Variants in RAD52 observed in about 807,000 individuals in gnomAD.
RAD52 encodes DNA repair protein RAD52 homolog.
In RAD52, 47 loss-of-function variants were observed where a neutral mutation model predicts 55.5. That is an observed-to-expected ratio of 0.85 (90% confidence interval 0.67 to 1.08). The LOEUF is 1.08. RAD52 is among the 50% of genes least tolerant of loss of function. RAD52 has a pLI of 0.00. For missense variants in RAD52, 468 were observed against 522.8 expected (o/e 0.90, Z 1.02); for synonymous variants, 184 against 198.9 (o/e 0.92, Z 0.63).
rs531255422 is a variant in RAD52, at chr12:930,271, C to T, written c.187-127G>A. The T allele has an allele frequency of 6.7e-5, 53 of 793,034 alleles. No individual in the cohort carries two copies. The South Asian group carries it at 6.9e-4, about 10-fold the overall frequency. 49.1% of individuals were successfully genotyped at this position (793,034 alleles called of 1,614,324 possible). ...ATAAACTGTCCTTAAACATTCTTCT[C>T]GGGAGGCTGAGGTGGGAGGATCACT... On this transcript the variant is annotated intron_variant, in intron 3 of 11. Coordinates refer to ENST00000358495, the MANE Select transcript of RAD52 (RefSeq NM_134424.4).
intron 1 of RAD52, among the ~76,000 whole-genome samples, chr12:939,903 C>T (rs1433675561): frequency 1.3e-5 from 2 of 151,716 alleles, no homozygotes; most frequent in Non-Finnish European, 2.9e-5. Flanking sequence ...GGTGAAACCC[C>T]GTCTCTACTG....
chr12:921,382 G>A (rs1289002905), intron 7 of RAD52, among the ~76,000 whole-genome samples: 2 of 152,190 alleles, frequency 1.3e-5, no homozygotes, highest in African/African-American at 4.8e-5. Context: ...CAAGGCAGGT[G>A]GATCACTTGA....
intron 2 of RAD52, 69 bp from the exon 3 acceptor site, chr12:931,390 T>C: frequency 8.7e-7 from 1 of 1,155,296 alleles, no homozygotes; most frequent in Non-Finnish European, 1.2e-6. Flanking sequence ...TCTCCATCCT[T>C]TATGGAGACT....
chr12:948,094 TGTG>T (rs1332013246), intron 1 of RAD52, among the ~76,000 whole-genome samples: 1 of 151,666 alleles, frequency 6.6e-6, no homozygotes, highest in Non-Finnish European at 1.5e-5. Context: ...AGAAACAAAA[TGTG>T]GTATATCCAC....
intron 1 of RAD52, among the ~76,000 whole-genome samples, chr12:982,995 G>A (rs926724546): frequency 6.6e-6 from 1 of 152,048 alleles, no homozygotes; most frequent in Non-Finnish European, 1.5e-5. Context: ...GGTTACAGGC[G>A]TGTGCCACCA....
chr12:957,363 T>G (rs1358267088), intron 1 of RAD52, among the ~76,000 whole-genome samples: 2 of 144,820 alleles, frequency 1.4e-5, no homozygotes, highest in African/African-American at 2.6e-5. Context: ...CTCGGGAGGC[T>G]GAGGCAGGAG....
chr12:914,085 G>A lies in RAD52; in HGVS notation c.1004C>T (p.Thr335Ile). The A allele has an allele frequency of 6.2e-7, 1 of 1,614,190 alleles. No homozygotes were observed. The highest frequency in any genetic ancestry group is 8.5e-7 in the Non-Finnish European group (1 of 1,180,026). Residue 335 changes from threonine to isoleucine, a missense_variant, in exon 11 of 12, where the codon ACT (threonine) becomes ATT (isoleucine). Transcript: ENST00000358495. ...GACCACACCATCCCCTGCATCGGGA[G>A]TCACAGCCCACTTTTCAGAGTTGTC... ...LEDNSEKWAV[T>I]PDAGDGVVKP... is the part of the protein sequence containing the mutation.
rs768359979 is a variant in RAD52, at chr12:931,260, G to A, written c.146C>T (p.Pro49Leu). The A allele has an allele frequency of 1.2e-6, 2 of 1,612,664 alleles. No individual in the cohort carries two copies. Among genetic ancestry groups the A allele is most frequent in the South Asian group, 1.1e-5 (1 of 90,974 alleles). Reference sequence around the variant, plus strand: ...AGCCATGCGGCTACTTATGTATTCTGGGCCCAGCCTCTGCCTCAGGGCCTT... The same window carrying A: ...AGCCATGCGGCTACTTATGTATTCTAGGCCCAGCCTCTGCCTCAGGGCCTT... ...IQKALRQRLG[P>L]EYISSRMAGG... is the part of the protein sequence containing the mutation. Residue 49 changes from proline to leucine, a missense_variant, in exon 3 of 12, where the codon CCA becomes CTA. Transcript: ENST00000358495.
chr12:912,775 A>G lies in RAD52; in HGVS notation c.*616T>C, dbSNP rs1956168612. 5.8e-6 allele frequency: 1 copy of G among 171,714 alleles called. No homozygotes were observed. Among genetic ancestry groups the G allele is most frequent in the African/African-American group, 2.4e-5 (1 of 41,678 alleles). 10.6% of individuals were successfully genotyped at this position (171,714 alleles called of 1,614,324 possible). A position where few individuals can be genotyped will look rare whatever the true frequency, so the allele number is the denominator to read the frequency against. On this transcript the variant is annotated 3_prime_UTR_variant, in exon 12 of 12. Coordinates refer to ENST00000358495, the MANE Select transcript of RAD52 (RefSeq NM_134424.4). ...AAACAGCCTTTTTTCGTGGTCTTAG[A>G]TGATTATTTCCTTCCTTAGGAAAAA...
chr12:914,630 C>G, intron 9 of RAD52, 98 bp from the exon 10 acceptor site: 1 of 1,441,376 alleles, frequency 6.9e-7, no homozygotes. Flanking sequence ...AGGGAACACT[C>G]TCCGAAGCAC....
intron 1 of RAD52, among the ~76,000 whole-genome samples, chr12:969,138 A>G (rs908514742): frequency 1.3e-5 from 2 of 152,110 alleles, no homozygotes; most frequent in Non-Finnish European, 2.9e-5. Flanking sequence ...TTTAAAGTAT[A>G]CAGGAGGATG....
intron 7 of RAD52, among the ~76,000 whole-genome samples, chr12:921,007 CA>C (rs1956697483): frequency 6.6e-6 from 1 of 152,076 alleles, no homozygotes; most frequent in African/African-American, 2.4e-5. Context: ...GGAAAATCCA[CA>C]AATCAGTAGA....
upstream of RAD52, among the ~76,000 whole-genome samples, chr12:953,148 TAC>T (rs1958558843): frequency 6.7e-6 from 1 of 150,274 alleles, no homozygotes; most frequent in Non-Finnish European, 1.5e-5. Context: ...TTACTAAAAA[TAC>T]AAACATTAGC....
intron 1 of RAD52, among the ~76,000 whole-genome samples, chr12:944,616 A>AAC (rs1958099511): frequency 2.0e-5 from 3 of 147,970 alleles, no homozygotes; most frequent in Admixed American, 1.3e-4. Flanking sequence ...GGTAAAAAAA[A>AAC]AAAAAAAAAA....
intron 7 of RAD52, among the ~76,000 whole-genome samples, chr12:920,845 A>G (rs1294948660): frequency 6.6e-6 from 1 of 152,232 alleles, no homozygotes; most frequent in Non-Finnish European, 1.5e-5. Context: ...AGCAGAAAAT[A>G]CATTCTTCTC....
intron 2 of RAD52, among the ~76,000 whole-genome samples, chr12:932,126 G>A (rs2154114638): frequency 6.6e-6 from 1 of 152,304 alleles, no homozygotes; most frequent in South Asian, 2.1e-4. Flanking sequence ...AGGAGGCCGA[G>A]GCAGGCAGAT....
In RAD52 at chr12:957,587, A is replaced by C. The variant is rs1404612033; in HGVS notation, c.-18-24511T>G. The stretch of plus-strand genomic sequence containing the variant: ...AATCACTTGAGTCCAGGAGTTCGAG[A>C]TCATCCTGGGCAACATAGTGAGAAC... On this transcript the variant is annotated intron_variant, in intron 1 of 11. Transcript: ENST00000430095. Among the ~76,000 whole-genome samples the C allele has an allele frequency of 2.0e-5, 3 of 151,868 alleles. 1 individual carries two copies. The highest frequency in any genetic ancestry group is 2.0e-4 in the Admixed American group (3 of 15,228).
intron 5 of RAD52, chr12:929,601 T>C: frequency 5.3e-6 from 4 of 755,984 alleles, no homozygotes. Flanking sequence ...TGGTGAAAAC[T>C]TTTAGGTGTC....
chr12:942,467 G>A (rs1957969291), intron 1 of RAD52, among the ~76,000 whole-genome samples: 1 of 152,184 alleles, frequency 6.6e-6, no homozygotes, highest in African/African-American at 2.4e-5. Flanking sequence ...AAAATTTATA[G>A]GCCGGGCACG....
Sources: gnomAD v4.1 joint callset for allele counts (sites outside exome capture counted in the v4.1 genomes callset) on GRCh38, gnomAD v4.1.1 for gene constraint, MANE v1.5 for transcripts, NCBI Gene and HGNC (gene_info 2026-07-23, HGNC 2026-07-21) for gene names.